Variants in RBM47 observed in about 807,000 individuals in gnomAD.
RBM47 encodes the protein RNA-binding protein 47.
RBM47 carries 21 observed loss-of-function variants against 47.1 expected under a neutral mutation model. The ratio of observed to expected loss-of-function variants is 0.45; its 90% CI spans 0.32 to 0.64. The LOEUF (loss-of-function observed/expected upper bound fraction) is 0.64. Among genes scored for constraint, RBM47 ranks in the 30% least tolerant of loss-of-function variants. RBM47 has a pLI of 0.05. For missense variants in RBM47, 708 were observed against 870.9 expected (o/e 0.81, Z 2.35); for synonymous variants, 375 against 361.7 (o/e 1.04, Z -0.42).
At chr4:40,445,927 G>A (rs780372052) in intron 3 of RBM47, among the ~76,000 whole-genome samples, 5 of 152,166 alleles carry the variant, frequency 3.3e-5, no homozygotes, top group Non-Finnish European at 5.9e-5. Context: ...ATAACACAGA[G>A]TTCCCCAGTT....
At chr4:40,575,916 T>G (rs968788921) in intron 1 of RBM47, among the ~76,000 whole-genome samples, 1 of 152,232 alleles carries the variant, frequency 6.6e-6, no homozygotes, top group African/African-American at 2.4e-5. Context: ...AAGGGTCTGA[T>G]CTCAGAGGTG....
At chr4:40,489,769 A>G (rs12641621) in intron 2 of RBM47, among the ~76,000 whole-genome samples, 39,435 of 152,156 alleles carry the variant, frequency 0.26, 5,218 homozygotes, top group East Asian at 0.4. Context: ...CCAATCCTTC[A>G]CAAATTCTTC....
At chr4:40,587,442 C>A (rs907162784) in intron 1 of RBM47, among the ~76,000 whole-genome samples, 6 of 152,066 alleles carry the variant, frequency 3.9e-5, no homozygotes, top group Non-Finnish European at 7.4e-5. Flanking sequence ...ATTTATGAAG[C>A]GCTAGGAGCC....
intron 1 of RBM47, among the ~76,000 whole-genome samples, chr4:40,578,452 G>C (rs537569322): frequency 2.6e-5 from 4 of 152,168 alleles, no homozygotes; most frequent in Non-Finnish European, 5.9e-5. Context: ...AACTAAATTT[G>C]TTGCAATTTT....
At chr4:40,614,742 G>C (rs1736568971) in intron 1 of RBM47, among the ~76,000 whole-genome samples, 2 of 151,788 alleles carry the variant, frequency 1.3e-5, no homozygotes, top group African/African-American at 4.8e-5. Context: ...AAGATGGAAA[G>C]ATCACTTGAG....
At chr4:40,575,029 G>C (rs1732155153) in intron 1 of RBM47, among the ~76,000 whole-genome samples, 1 of 152,178 alleles carries the variant, frequency 6.6e-6, no homozygotes, top group South Asian at 2.1e-4. Context: ...TCCCCAAGAA[G>C]TTATCTGGCA....
chr4:40,527,436 ATTTTTTTT>A (rs60524903), intron 2 of RBM47, among the ~76,000 whole-genome samples: 26 of 104,706 alleles, frequency 2.5e-4, no homozygotes, highest in African/African-American at 8.1e-4. Flanking sequence ...ACACCTGGCA[ATTTTTTTT>A]TTTTTTTTTT....
At chr4:40,582,483 G>A (rs55835022) in intron 1 of RBM47, among the ~76,000 whole-genome samples, 1,941 of 152,228 alleles carry the variant, frequency 0.013, 18 homozygotes, top group Non-Finnish European at 0.02. Flanking sequence ...GCAGTGAGCC[G>A]AGATTATGCC....
chr4:40,483,390 G>A (rs557592176), intron 2 of RBM47, among the ~76,000 whole-genome samples: 1 of 152,324 alleles, frequency 6.6e-6, no homozygotes, highest in African/African-American at 2.4e-5. Context: ...ACAAGAAAGG[G>A]GCGGGGTAGC....
chr4:40,620,957 C>T (rs1056759374), intron 1 of RBM47, among the ~76,000 whole-genome samples: 1 of 151,900 alleles, frequency 6.6e-6, no homozygotes, highest in African/African-American at 2.4e-5. Flanking sequence ...TTTTTGAACT[C>T]CTCAACAAAT....
rs1435894018 is a variant in RBM47, at chr4:40,628,137, C to G, written c.-240+1259G>C. The stretch of plus-strand genomic sequence containing the variant: ...CTTGGGAAATTTCTGAGACCCCATC[C>G]TTCCAGCATGCAATAATTAAGTCAA... On this transcript the variant is annotated intron_variant, in intron 1 of 6. Transcript: ENST00000295971. This position sits in a 1 kb window ranked among gnomAD's most constrained non-coding sequence, Gnocchi z 4.0. Among the ~76,000 whole-genome samples the G allele has an allele frequency of 6.6e-6, 1 of 152,142 alleles. No homozygotes were observed. The highest frequency in any genetic ancestry group is 2.4e-5 in the African/African-American group (1 of 41,428).
intron 2 of RBM47, among the ~76,000 whole-genome samples, chr4:40,498,746 GTATAAGGCATTTATACATAGCGT>G (rs1722978247): frequency 1.3e-5 from 2 of 151,682 alleles, no homozygotes; most frequent in Non-Finnish European, 1.5e-5. Flanking sequence ...TTGCAAGAAG[GTATAAGGCATTTATACATAGCGT>G]CTGAAAATAC....
At chr4:40,615,696 G>C (rs1484930713) in intron 1 of RBM47, among the ~76,000 whole-genome samples, 1 of 151,778 alleles carries the variant, frequency 6.6e-6, no homozygotes, top group Non-Finnish European at 1.5e-5. Context: ...CAGGAGAATC[G>C]CTTGAACCTG....
chr4:40,566,770 AC>A (rs1471874623), intron 1 of RBM47, among the ~76,000 whole-genome samples: 2 of 151,978 alleles, frequency 1.3e-5, no homozygotes, highest in Non-Finnish European at 2.9e-5. Context: ...GATAATCATA[AC>A]ACATTACCTA....
intron 1 of RBM47, among the ~76,000 whole-genome samples, chr4:40,627,992 A>C (rs1382913311): frequency 1.3e-5 from 2 of 152,272 alleles, no homozygotes; most frequent in Non-Finnish European, 2.9e-5. Context: ...ATTGATTGAT[A>C]TTCAGAATAT....
intron 2 of RBM47, among the ~76,000 whole-genome samples, chr4:40,507,581 A>G (rs1321382494): frequency 6.6e-6 from 1 of 152,086 alleles, no homozygotes; most frequent in Non-Finnish European, 1.5e-5. Flanking sequence ...GAAGTCAGGA[A>G]TTCAAGACCA....
At chr4:40,448,777 ATTACT>A (rs1714946381) in intron 3 of RBM47, among the ~76,000 whole-genome samples, 1 of 152,220 alleles carries the variant, frequency 6.6e-6, no homozygotes, top group Admixed American at 6.5e-5. Context: ...AATTATTATT[ATTACT>A]TTAAAGAATG....
At chr4:40,477,022 G>A (rs1388622124) in intron 2 of RBM47, among the ~76,000 whole-genome samples, 1 of 152,008 alleles carries the variant, frequency 6.6e-6, no homozygotes, top group East Asian at 1.9e-4. Context: ...ATCACTTGAG[G>A]TCAGAAGTTC....
At chr4:40,602,625 C>T (rs561994017) in intron 1 of RBM47, among the ~76,000 whole-genome samples, 5 of 137,720 alleles carry the variant, frequency 3.6e-5, no homozygotes, top group African/African-American at 1.4e-4. Flanking sequence ...TCCAGCCTGG[C>T]GACAGAGTGA....
Sources: allele counts gnomAD v4.1 joint callset (sites outside exome capture counted in the v4.1 genomes callset), GRCh38; gene constraint gnomAD v4.1.1; non-coding constraint Gnocchi (gnomAD v3.1); transcripts MANE v1.5; gene names NCBI Gene and HGNC (gene_info 2026-07-23, HGNC 2026-07-21).